MRPL13: variants seen among roughly 807,000 people sequenced by gnomAD.
MRPL13 encodes large ribosomal subunit protein uL13m.
In MRPL13, 33 loss-of-function variants were observed where a neutral mutation model predicts 29.0. The ratio of observed to expected loss-of-function variants is 1.14; its 90% CI spans 0.86 to 1.52. The LOEUF (loss-of-function observed/expected upper bound fraction) is 1.52. MRPL13 is among the 40% of genes most tolerant of loss of function. The pLI, the probability that MRPL13 is intolerant of heterozygous loss-of-function variation, is 0.00. For synonymous variants in MRPL13, 77 were observed against 68.4 expected (o/e 1.13, Z -0.62); for missense variants, 227 against 216.7 (o/e 1.05, Z -0.30).
chr8:120,430,875 T>C (rs549156731), intron 3 of MRPL13, among the ~76,000 whole-genome samples: 2 of 152,326 alleles, frequency 1.3e-5, no homozygotes, highest in South Asian at 2.1e-4. Context: ...ATTATTGCTA[T>C]AGTAATTACC....
chr8:120,406,838 G>A (rs889893799), intron 6 of MRPL13, among the ~76,000 whole-genome samples: 4 of 152,072 alleles, frequency 2.6e-5, no homozygotes, highest in African/African-American at 9.7e-5. Flanking sequence ...GCTATCAAAT[G>A]TTCTGTAACA....
At chr8:120,425,922 G>T (rs904343985) in intron 3 of MRPL13, among the ~76,000 whole-genome samples, 8 of 151,974 alleles carry the variant, frequency 5.3e-5, no homozygotes, top group African/African-American at 1.9e-4. Context: ...ATGAAAAAAA[G>T]TGGCAATTAC....
In MRPL13 at chr8:120,445,074, C is replaced by G; in HGVS notation, c.21G>C (p.Ala7=). The G allele has an allele frequency of 6.2e-7, 1 of 1,613,954 alleles. No individual in the cohort carries two copies. Among genetic ancestry groups the G allele is most frequent in the South Asian group, 1.1e-5 (1 of 91,074 alleles). The change falls in exon 1 of 7, where the codon GCG becomes GCC. Residue 7 remains alanine, a synonymous_variant. Coordinates refer to ENST00000306185, the MANE Select transcript of MRPL13 (RefSeq NM_014078.6). The part of the protein sequence containing the change: MSSFSR[A]PQQWATFARI... Reference sequence around the variant, plus strand: ...CATAAGAGTCCGAGCTCACCTGGGGCGCCCTAGAGAAACTCGACATATTCC... The same window carrying G: ...CATAAGAGTCCGAGCTCACCTGGGGGGCCCTAGAGAAACTCGACATATTCC...
At chr8:120,397,750 C>T (rs1011316356) in intron 6 of MRPL13, among the ~76,000 whole-genome samples, 3 of 151,750 alleles carry the variant, frequency 2.0e-5, no homozygotes, top group Admixed American at 2.0e-4. Context: ...AGAGACGGCC[C>T]CTGTTTCTGC....
At chr8:120,444,747 C>CA (rs1321384724) in intron 1 of MRPL13, among the ~76,000 whole-genome samples, 1 of 152,080 alleles carries the variant, frequency 6.6e-6, no homozygotes, top group Admixed American at 6.5e-5. Flanking sequence ...TTTACTCAGT[C>CA]AAAAAACAAA....
chr8:120,402,300 G>C (rs1812607263), intron 6 of MRPL13, among the ~76,000 whole-genome samples: 1 of 152,138 alleles, frequency 6.6e-6, no homozygotes, highest in Admixed American at 6.5e-5. Flanking sequence ...TACAAGAACA[G>C]ACACATAGAC....
intron 3 of MRPL13, among the ~76,000 whole-genome samples, chr8:120,425,847 G>A (rs984861131): frequency 5.3e-5 from 8 of 152,088 alleles, no homozygotes; most frequent in Non-Finnish European, 1.2e-4. Flanking sequence ...AGGTCTCTAA[G>A]TGCTACATAT....
chr8:120,442,287 A>T (rs1393916327), intron 2 of MRPL13, among the ~76,000 whole-genome samples: 1 of 152,210 alleles, frequency 6.6e-6, no homozygotes, highest in Non-Finnish European at 1.5e-5. Context: ...GTTGCTATGC[A>T]CCTTAAAACC....
intron 6 of MRPL13, among the ~76,000 whole-genome samples, chr8:120,401,237 G>A (rs1439848790): frequency 1.3e-5 from 2 of 152,042 alleles, no homozygotes; most frequent in Non-Finnish European, 2.9e-5. Context: ...GATGAACATC[G>A]ATGCAAAAAT....
intron 6 of MRPL13, among the ~76,000 whole-genome samples, chr8:120,403,162 G>A (rs1812622256): frequency 6.6e-6 from 1 of 152,070 alleles, no homozygotes; most frequent in African/African-American, 2.4e-5. Flanking sequence ...ATACCCAAAG[G>A]AATATAAATC....
chr8:120,427,164 A>C (rs1387784733), intron 3 of MRPL13, among the ~76,000 whole-genome samples: 1 of 152,180 alleles, frequency 6.6e-6, no homozygotes, highest in Admixed American at 6.6e-5. Context: ...TAATAATCTT[A>C]ATAGATAAAA....
In MRPL13 at chr8:120,432,106, C is replaced by T. The variant is rs770466745; in HGVS notation, c.169G>A (p.Val57Ile). 8.7e-6 allele frequency: 14 copies of T among 1,600,976 alleles called. No homozygotes were observed. In the East Asian group the frequency reaches 1.6e-4, roughly 18 times the overall value. ...ATGTGTCTTGTGTTCATTATAACAA[C>T]ATGATCCCCACAGTCACCTACATTT... The part of the protein sequence containing the change: ...YHALSDCGDH[V>I]VIMNTRHIAF... The change falls in exon 3 of 7, where the codon GTT (valine) becomes ATT (isoleucine). Residue 57 changes from valine to isoleucine, a missense_variant. Coordinates refer to ENST00000306185, the MANE Select transcript of MRPL13 (RefSeq NM_014078.6).
At chr8:120,444,839 C>G (rs902382699) in intron 1 of MRPL13, 19 of 472,174 alleles carry the variant, frequency 4.0e-5, no homozygotes, top group Non-Finnish European at 6.7e-5. Flanking sequence ...CCCCGCCCCC[C>G]CAAGAAAGAC....
chr8:120,424,029 A>G (rs62528296), intron 4 of MRPL13, among the ~76,000 whole-genome samples: 326 of 152,268 alleles, frequency 2.1e-3, no homozygotes, highest in Non-Finnish European at 3.3e-3. Flanking sequence ...AGGCAGCAAG[A>G]AAGGAGAGAA....
chr8:120,413,976 A>G lies in MRPL13; in HGVS notation c.515+15T>C, dbSNP rs1274737375. 1.3e-6 allele frequency: 2 copies of G among 1,519,626 alleles called. No individual in the cohort carries two copies. The highest frequency in any genetic ancestry group is 8.8e-7 in the Non-Finnish European group (1 of 1,141,788). 94.1% of individuals were successfully genotyped at this position (1,519,626 alleles called of 1,614,324 possible). ...TATCAAAAGAAAAAAAAACAAGAAG[A>G]AGGGAAACACTTACGGAGTCCACAA... On this transcript the variant is annotated intron_variant, in intron 6 of 6. Transcript: ENST00000306185.
rs1433581754 is a variant in MRPL13, at chr8:120,395,466, C to G, written c.*638G>C. The G allele has an allele frequency of 6.6e-6, 1 of 152,236 alleles. No individual in the cohort carries two copies. The highest frequency in any genetic ancestry group is 1.5e-5 in the Non-Finnish European group (1 of 68,142). 9.4% of individuals were successfully genotyped at this position (152,236 alleles called of 1,614,324 possible). ...CAGAGATGAATGGAAGCCAACAGGACAGATATGGGAAAACAGTGTGGAGAG... is the reference window on the plus strand; with the variant it reads ...CAGAGATGAATGGAAGCCAACAGGAGAGATATGGGAAAACAGTGTGGAGAG... On this transcript the variant is annotated 3_prime_UTR_variant, in exon 7 of 7. Coordinates refer to ENST00000306185, the MANE Select transcript of MRPL13 (RefSeq NM_014078.6).
chr8:120,439,914 A>T (rs570239488), intron 2 of MRPL13, among the ~76,000 whole-genome samples: 1 of 152,350 alleles, frequency 6.6e-6, no homozygotes. Context: ...CTTCAATGCC[A>T]GAGCCCTGAC....
intron 6 of MRPL13, among the ~76,000 whole-genome samples, chr8:120,405,984 C>T (rs1464390925): frequency 1.3e-5 from 2 of 151,976 alleles, no homozygotes; most frequent in Non-Finnish European, 2.9e-5. Context: ...GTACATTAGC[C>T]CTACTTCTTT....
intron 2 of MRPL13, among the ~76,000 whole-genome samples, chr8:120,436,116 T>C (rs1046283388): frequency 4.5e-4 from 68 of 152,238 alleles, no homozygotes; most frequent in African/African-American, 1.6e-3. Flanking sequence ...CATGGGAAGA[T>C]AAAGAGTAAT....
Sources: gnomAD v4.1 joint callset for allele counts (sites outside exome capture counted in the v4.1 genomes callset) on GRCh38, gnomAD v4.1.1 for gene constraint, MANE v1.5 for transcripts, NCBI Gene and HGNC (gene_info 2026-07-23, HGNC 2026-07-21) for gene names.